Variants in ARSF observed in about 807,000 individuals in gnomAD.
ARSF encodes the protein arylsulfatase F.
A neutral mutation model predicts 35.4 loss-of-function variants in ARSF; 33 were observed. The ratio of observed to expected loss-of-function variants is 0.93; its 90% CI spans 0.71 to 1.25. The LOEUF is 1.25. Ranked by LOEUF, ARSF falls within the 50% of genes most tolerant of loss-of-function variation. ARSF has a pLI of 0.00. For synonymous variants in ARSF, 222 were observed against 193.1 expected (o/e 1.15, Z -1.24); for missense variants, 501 against 480.2 (o/e 1.04, Z -0.40).
intron 7 of ARSF, among the ~76,000 whole-genome samples, chrX:3,093,837 C>G (rs2090320089): frequency 8.9e-6 from 1 of 111,807 alleles, no homozygotes; most frequent in Non-Finnish European, 1.9e-5. Flanking sequence ...GTGGCTGAGC[C>G]AATTTATATT....
At chrX:3,098,047 AACACAC>A (rs3032523) in intron 7 of ARSF, among the ~76,000 whole-genome samples, 894 of 88,057 alleles carry the variant, frequency 0.01, 11 homozygotes, top group African/African-American at 0.035. Context: ...ATACACACAC[AACACAC>A]ACACACACAC....
In ARSF at chrX:3,080,364, C is replaced by T. The variant is rs865867120; in HGVS notation, c.284-527C>T. Among the ~76,000 whole-genome samples the T allele has an allele frequency of 1.0e-3, 114 of 109,647 alleles. No homozygotes were observed. In the Middle Eastern group the frequency reaches 0.014, roughly 13 times the overall value. On this transcript the variant is annotated intron_variant, in intron 4 of 10. Coordinates refer to ENST00000381127, the MANE Select transcript of ARSF (RefSeq NM_001201539.2). ...TGGCGTGCACCCATAGTTCCAGCTACTTGGGAGGCTGAGGCAGGAGAATCA... is the reference window on the plus strand; with the variant it reads ...TGGCGTGCACCCATAGTTCCAGCTATTTGGGAGGCTGAGGCAGGAGAATCA...
In ARSF at chrX:3,047,015, T is replaced by C. The variant is rs192909069; in HGVS notation, c.-29+5352T>C. Reference sequence around the variant, plus strand: ...CATTTTCAGAAAGTTTACACATTTGTGTTGGGCCACATTCAAAGCTGTCCT... The same window carrying C: ...CATTTTCAGAAAGTTTACACATTTGCGTTGGGCCACATTCAAAGCTGTCCT... On this transcript the variant is annotated intron_variant, in intron 1 of 10. Transcript: ENST00000381127. Among the ~76,000 whole-genome samples, 6 of 110,323 alleles carry C rather than the reference T, an allele frequency of 5.4e-5. No homozygotes were observed. The East Asian group carries it at 1.7e-3, about 32-fold the overall frequency.
At chrX:3,103,383 T>C (rs1016758817) in intron 8 of ARSF, among the ~76,000 whole-genome samples, 3 of 110,719 alleles carry the variant, frequency 2.7e-5, no homozygotes, top group Non-Finnish European at 5.7e-5. Context: ...GTGAGTTCCA[T>C]AAAATTGGGG....
At chrX:3,068,636 G>T (rs1042315495) in intron 2 of ARSF, among the ~76,000 whole-genome samples, 1 of 110,461 alleles carries the variant, frequency 9.1e-6, no homozygotes, top group Non-Finnish European at 1.9e-5. Flanking sequence ...TGTTGCCCAG[G>T]TTGGTCTTGA....
At chrX:3,053,225 A>T (rs1287972030) in intron 1 of ARSF, among the ~76,000 whole-genome samples, 1 of 111,459 alleles carries the variant, frequency 9.0e-6, no homozygotes, top group Non-Finnish European at 1.9e-5. Flanking sequence ...AATTTCTGAC[A>T]TGTCCTCCGA....
intron 7 of ARSF, among the ~76,000 whole-genome samples, chrX:3,098,999 AAT>A (rs758845351): frequency 9.1e-6 from 1 of 110,167 alleles, no homozygotes; most frequent in Non-Finnish European, 1.9e-5. Flanking sequence ...CAATTTATCA[AAT>A]ATATCTTCTC....
chrX:3,047,179 TTTAA>T (rs1372044793), intron 1 of ARSF, among the ~76,000 whole-genome samples: 1 of 108,295 alleles, frequency 9.2e-6, no homozygotes, highest in African/African-American at 3.5e-5. Flanking sequence ...GAACAGTATG[TTTAA>T]TTTTTTTTTT....
At chrX:3,057,794 G>C (rs926064525) in intron 1 of ARSF, among the ~76,000 whole-genome samples, 1 of 111,598 alleles carries the variant, frequency 9.0e-6, no homozygotes, top group East Asian at 2.8e-4. Context: ...TGACAGTAAA[G>C]TCTGCCATGT....
chrX:3,110,507 T>C (rs1038803863), intron 10 of ARSF, among the ~76,000 whole-genome samples: 4 of 112,455 alleles, frequency 3.6e-5, no homozygotes, highest in Admixed American at 1.9e-4. Context: ...GCATGGAAAA[T>C]CTATGCAATT....
intron 1 of ARSF, among the ~76,000 whole-genome samples, chrX:3,063,153 T>G (rs1185471908): frequency 9.0e-6 from 1 of 111,651 alleles, no homozygotes; most frequent in African/African-American, 3.3e-5. Flanking sequence ...GTTCAACATA[T>G]GCAAATCAGT....
At chrX:3,040,963 A>G (rs1488228123), upstream of ARSF, among the ~76,000 whole-genome samples, 5 of 111,538 alleles carry the variant, frequency 4.5e-5, no homozygotes, top group African/African-American at 1.6e-4. Context: ...ATTTTAAAAT[A>G]AAAGTGGGAG....
Position 3,112,341 on chromosome X carries a change from A to G in ARSF, c.1558A>G (p.Thr520Ala). Residue 520 changes from threonine to alanine, a missense_variant, in exon 11 of 11, where the codon ACA (threonine) becomes GCA (alanine). Coordinates refer to ENST00000381127, the MANE Select transcript of ARSF (RefSeq NM_001201539.2). ...GGACCCCTCAGAGTCCACACCCCTG[A>G]CACCTGCCACAGAGCCCCTCCATGA... is the stretch of plus-strand genomic sequence containing the variant. ...SRDPSESTPLTPATEPLHDFV... is the reference protein window; with the variant it reads ...SRDPSESTPLAPATEPLHDFV... 8.3e-7 allele frequency: 1 copy of G among 1,211,018 alleles called. No individual in the cohort carries two copies. The highest frequency in any genetic ancestry group is 1.1e-6 in the Non-Finnish European group (1 of 895,348).
intron 5 of ARSF, among the ~76,000 whole-genome samples, chrX:3,081,934 G>A (rs1478584287): frequency 9.0e-6 from 1 of 111,043 alleles, no homozygotes. Flanking sequence ...TAATACATCT[G>A]CTGTTGATAA....
intron 7 of ARSF, among the ~76,000 whole-genome samples, chrX:3,099,703 A>G (rs1238844438): frequency 8.9e-6 from 1 of 111,827 alleles, no homozygotes; most frequent in Non-Finnish European, 1.9e-5. Flanking sequence ...ATTTTTAACT[A>G]TTTTATGGGA....
At chrX:3,083,124 C>T (rs143201947) in intron 5 of ARSF, among the ~76,000 whole-genome samples, 2 of 109,802 alleles carry the variant, frequency 1.8e-5, no homozygotes, top group East Asian at 5.7e-4. Flanking sequence ...GATCTCCATC[C>T]ACCTATCTAC....
intron 4 of ARSF, among the ~76,000 whole-genome samples, chrX:3,079,970 C>CAAAAAAA (rs1224175073): frequency 7.8e-3 from 222 of 28,304 alleles, no homozygotes; most frequent in African/African-American, 8.6e-3. Flanking sequence ...ACAACAACAA[C>CAAAAAAA]AAAAAAAAAA....
chrX:3,071,857 A>G (rs1050332407), intron 2 of ARSF, among the ~76,000 whole-genome samples, 169 bp from the exon 3 acceptor site: 1 of 111,659 alleles, frequency 9.0e-6, no homozygotes, highest in African/African-American at 3.3e-5. Flanking sequence ...CACTTCCGCT[A>G]CCATTCAGCA....
At chrX:3,078,142 G>A (rs931703409) in intron 4 of ARSF, among the ~76,000 whole-genome samples, 41 of 110,177 alleles carry the variant, frequency 3.7e-4, no homozygotes, top group African/African-American at 1.3e-3. Context: ...GAAATGAGAA[G>A]AACGAAATTA....
Sources: gnomAD v4.1 joint callset for allele counts (sites outside exome capture counted in the v4.1 genomes callset) on GRCh38, gnomAD v4.1.1 for gene constraint, MANE v1.5 for transcripts, NCBI Gene and HGNC (gene_info 2026-07-23, HGNC 2026-07-21) for gene names.